The following AKAP19 variants were observed in gnomAD, a reference collection of about 807,000 sequenced individuals.
The protein encoded by AKAP19 is A-kinase anchoring protein 19.
chr2:190,117,151 A>G, the AKAP19 span, among the ~76,000 whole-genome samples: 2 of 152,102 alleles, frequency 1.3e-5, no homozygotes, highest in African/African-American at 2.4e-5. Flanking sequence ...TGGACCTTCC[A>G]TATCATGTAG....
At chr2:190,046,282 T>C in the AKAP19 span, among the ~76,000 whole-genome samples, 1 of 151,536 alleles carries the variant, frequency 6.6e-6, no homozygotes, top group African/African-American at 2.4e-5. Flanking sequence ...TGTGATTTGT[T>C]TTTTTTTTAC....
chr2:189,902,121 G>A, the AKAP19 span, among the ~76,000 whole-genome samples: 1 of 151,566 alleles, frequency 6.6e-6, no homozygotes, highest in African/African-American at 2.4e-5. Context: ...TATCTCATAG[G>A]GCAAAATTTT....
chr2:190,153,279 T>C, the AKAP19 span, among the ~76,000 whole-genome samples: 2 of 152,390 alleles, frequency 1.3e-5, no homozygotes, highest in Non-Finnish European at 2.9e-5. Flanking sequence ...CCTGCTACTT[T>C]GCTGAATTTT....
the AKAP19 span, among the ~76,000 whole-genome samples, chr2:190,128,000 TG>T: frequency 6.6e-6 from 1 of 152,064 alleles, no homozygotes; most frequent in Admixed American, 6.5e-5. Context: ...CAAAATAAAA[TG>T]AGTCAATTTA....
At chr2:190,194,700 T>C in the AKAP19 span, among the ~76,000 whole-genome samples, 1 of 152,340 alleles carries the variant, frequency 6.6e-6, no homozygotes, top group Admixed American at 6.5e-5. Context: ...TCTCAGCCTC[T>C]TCCATAACCC....
At chr2:190,149,030 C>T in the AKAP19 span, among the ~76,000 whole-genome samples, 4 of 147,448 alleles carry the variant, frequency 2.7e-5, no homozygotes, top group East Asian at 7.8e-4. Context: ...ATGGCACGAT[C>T]TCGGCTCACT....
the AKAP19 span, among the ~76,000 whole-genome samples, chr2:189,976,747 A>C: frequency 6.6e-6 from 1 of 152,132 alleles, no homozygotes; most frequent in Non-Finnish European, 1.5e-5. Flanking sequence ...GCAATTAGTG[A>C]GGCTCTGTGG....
chr2:189,976,862 C>T, the AKAP19 span, among the ~76,000 whole-genome samples: 71 of 152,270 alleles, frequency 4.7e-4, no homozygotes, highest in South Asian at 1.5e-3. Context: ...CCAATTTTCC[C>T]GGTGCCGTCT....
At chr2:190,136,526 A>C in the AKAP19 span, among the ~76,000 whole-genome samples, 1 of 152,310 alleles carries the variant, frequency 6.6e-6, no homozygotes, top group East Asian at 1.9e-4. Context: ...TCTGGACAAC[A>C]TAAGTAAACA....
chr2:190,123,369 G>A, the AKAP19 span, among the ~76,000 whole-genome samples: 2 of 152,036 alleles, frequency 1.3e-5, no homozygotes, highest in African/African-American at 4.8e-5. Flanking sequence ...AACTACCTGT[G>A]ATTTGTTTGT....
the AKAP19 span, among the ~76,000 whole-genome samples, chr2:189,894,728 TTA>T: frequency 6.6e-6 from 1 of 151,148 alleles, no homozygotes; most frequent in East Asian, 1.9e-4. Flanking sequence ...ATACATATCA[TTA>T]TGTTATATAA....
chr2:190,024,168 GT>G, the AKAP19 span, among the ~76,000 whole-genome samples: 2 of 151,908 alleles, frequency 1.3e-5, no homozygotes, highest in African/African-American at 4.8e-5. Context: ...TGGAGTCATT[GT>G]CGCTGGACAG....
the AKAP19 span, among the ~76,000 whole-genome samples, chr2:190,083,912 C>A: frequency 1.3e-5 from 2 of 152,066 alleles, no homozygotes; most frequent in East Asian, 3.9e-4. Flanking sequence ...AGTCACACAG[C>A]GAGCAAGTTA....
At chr2:190,102,554 C>T in the AKAP19 span, among the ~76,000 whole-genome samples, 1 of 152,144 alleles carries the variant, frequency 6.6e-6, no homozygotes, top group Non-Finnish European at 1.5e-5. Context: ...CTACTATGAA[C>T]TCCTCTATGC....
chr2:190,063,173 T>G, the AKAP19 span, among the ~76,000 whole-genome samples: 1 of 152,140 alleles, frequency 6.6e-6, no homozygotes, highest in East Asian at 1.9e-4. Flanking sequence ...TAAATTATTT[T>G]TAGTGCCAAG....
the AKAP19 span, among the ~76,000 whole-genome samples, chr2:189,915,818 A>T: frequency 6.6e-6 from 1 of 152,148 alleles, no homozygotes; most frequent in African/African-American, 2.4e-5. Context: ...ATAAGAATAG[A>T]TGTATCTTTG....
chr2:189,989,624 T>C, the AKAP19 span, among the ~76,000 whole-genome samples: 2 of 152,062 alleles, frequency 1.3e-5, no homozygotes, highest in African/African-American at 2.4e-5. Context: ...AAGGAAGATA[T>C]AACATTTCTA....
At chr2:189,982,868 C>T in the AKAP19 span, among the ~76,000 whole-genome samples, 2 of 152,036 alleles carry the variant, frequency 1.3e-5, no homozygotes, top group African/African-American at 2.4e-5. Flanking sequence ...TATGAGCCAA[C>T]GTACTGTTGC....
chr2:190,059,939 G>T, the AKAP19 span: 1 of 964,888 alleles, frequency 1.0e-6, no homozygotes, highest in Non-Finnish European at 1.6e-6. Flanking sequence ...GCTACCGTTG[G>T]GGTAAGATAC....
Sources: gnomAD v4.1 joint callset for allele counts (sites outside exome capture counted in the v4.1 genomes callset) on GRCh38, gnomAD v4.1.1 for gene constraint, MANE v1.5 for transcripts, NCBI Gene and HGNC (gene_info 2026-07-23, HGNC 2026-07-21) for gene names.